SNX8: variants seen among roughly 807,000 people sequenced by gnomAD.
SNX8 encodes sorting nexin 8.
A neutral mutation model predicts 51.6 loss-of-function variants in SNX8; 25 were observed. The observed-to-expected ratio is 0.48, with a 90% CI of 0.35 to 0.68. The LOEUF (loss-of-function observed/expected upper bound fraction) is 0.68, where lower values mean the gene tolerates loss of function less well. Among genes scored for constraint, SNX8 ranks in the 30% least tolerant of loss-of-function variants. The pLI is 0.00. For missense variants in SNX8, 695 were observed against 624.0 expected (o/e 1.11, Z -1.21); for synonymous variants, 324 against 277.0 (o/e 1.17, Z -1.68).
intron 1 of SNX8, among the ~76,000 whole-genome samples, chr7:2,349,716 G>C (rs1239981118): frequency 6.6e-6 from 1 of 152,088 alleles, no homozygotes; most frequent in East Asian, 1.9e-4. Context: ...GATTACAGGC[G>C]TGAGCCACCG....
chr7:2,308,780 ATTT>A lies in SNX8; in HGVS notation c.94+5545_94+5547del, dbSNP rs755533735. ...AATTTAATCACCATAAAATGAACAAATTTTTTTTTTTTTTTTTTTTTGAGCTGG... is the reference window on the plus strand; with the variant it reads ...AATTTAATCACCATAAAATGAACAAATTTTTTTTTTTTTTTTTTGAGCTGG... On this transcript the variant is annotated intron_variant, in intron 1 of 10. Transcript: ENST00000222990. 6.2e-3 allele frequency among the ~76,000 whole-genome samples: 840 copies of A among 135,984 alleles called. 1 individual carries two copies. Among genetic ancestry groups the A allele is most frequent in the Non-Finnish European group, 0.01 (662 of 64,374 alleles). The allele number at this position is 135,984 out of a possible 152,430, so 89.2% of individuals were successfully genotyped here.
intron 1 of SNX8, among the ~76,000 whole-genome samples, chr7:2,300,166 G>T (rs1796360090): frequency 6.6e-6 from 1 of 152,178 alleles, no homozygotes; most frequent in African/African-American, 2.4e-5. Flanking sequence ...TCCATGCACA[G>T]AAGGCTGGAC....
At chr7:2,268,932 G>A (rs1795567981) in intron 5 of SNX8, among the ~76,000 whole-genome samples, 1 of 127,598 alleles carries the variant, frequency 7.8e-6, no homozygotes, top group Admixed American at 7.9e-5. Context: ...TGCCTGGCCA[G>A]CCGCCCCGTC....
At chr7:2,338,453 CTG>C (rs1778869235) in intron 1 of SNX8, among the ~76,000 whole-genome samples, 5 of 140,590 alleles carry the variant, frequency 3.6e-5, no homozygotes, top group African/African-American at 2.6e-5. Context: ...CAGAGAGAGA[CTG>C]TGTCTCAAAA....
chr7:2,310,557 G>T (rs1796639919), intron 1 of SNX8, among the ~76,000 whole-genome samples: 1 of 152,246 alleles, frequency 6.6e-6, no homozygotes, highest in South Asian at 2.1e-4. Flanking sequence ...CATGAGGTCA[G>T]GAGATCAAGA....
intron 7 of SNX8, among the ~76,000 whole-genome samples, chr7:2,262,889 G>A (rs150365536): frequency 0.025 from 3,743 of 152,244 alleles, 141 homozygotes; most frequent in African/African-American, 0.085. Flanking sequence ...AGGCCGAGGC[G>A]GGCAGGTCAC....
chr7:2,308,635 C>T (rs1295688582), intron 1 of SNX8, among the ~76,000 whole-genome samples: 3 of 135,556 alleles, frequency 2.2e-5, no homozygotes, highest in Non-Finnish European at 3.0e-5. Context: ...CACTGCACTC[C>T]AGCCTGGGCA....
intron 7 of SNX8, among the ~76,000 whole-genome samples, chr7:2,258,134 C>T (rs1198858970): frequency 1.3e-5 from 2 of 152,220 alleles, no homozygotes; most frequent in Admixed American, 1.3e-4. Context: ...CCTCAGCCTC[C>T]CGAGTAGCTG....
intron 1 of SNX8, among the ~76,000 whole-genome samples, chr7:2,303,926 C>T (rs1047590860): frequency 2.7e-5 from 4 of 148,312 alleles, no homozygotes; most frequent in African/African-American, 5.0e-5. Context: ...TCCCCCTCTG[C>T]GAGAAACACA....
At chr7:2,268,891 C>T (rs1375383542) in intron 5 of SNX8, among the ~76,000 whole-genome samples, 2,322 of 12,622 alleles carry the variant, frequency 0.18, no homozygotes, top group Non-Finnish European at 0.22. Context: ...CCGCCCCGTC[C>T]GGGAGGGAGG....
At chr7:2,326,270 C>G (rs1000383578) in intron 1 of SNX8, among the ~76,000 whole-genome samples, 1 of 152,058 alleles carries the variant, frequency 6.6e-6, no homozygotes, top group South Asian at 2.1e-4. Flanking sequence ...GAGGCTGAGG[C>G]AAGAGGATCG....
intron 1 of SNX8, among the ~76,000 whole-genome samples, chr7:2,338,063 C>A (rs557472609): frequency 6.6e-6 from 1 of 152,150 alleles, no homozygotes; most frequent in Admixed American, 6.6e-5. Context: ...CAGTGGCTCA[C>A]GCCTGTAATC....
At chr7:2,292,474 C>T (rs1467607812) in intron 1 of SNX8, among the ~76,000 whole-genome samples, 15 of 151,204 alleles carry the variant, frequency 9.9e-5, no homozygotes, top group South Asian at 2.1e-4. Flanking sequence ...TGCAGTGGCG[C>T]GATCTCGGCT....
chr7:2,314,086 T>G (rs1332366281), intron 1 of SNX8, among the ~76,000 whole-genome samples: 1 of 152,052 alleles, frequency 6.6e-6, no homozygotes, highest in African/African-American at 2.4e-5. Flanking sequence ...GACAGGGCTC[T>G]CCCGGCGCAG....
At chr7:2,340,299 C>T (rs539254963) in intron 1 of SNX8, among the ~76,000 whole-genome samples, 17 of 151,228 alleles carry the variant, frequency 1.1e-4, no homozygotes, top group Non-Finnish European at 7.4e-5. Context: ...CTCGAACTCC[C>T]GACCTCACGT....
rs780038674 is a variant in SNX8 at position 2,256,933 on chromosome 7, G to A, written c.1225C>T (p.Pro409Ser). ...QETQLIHVYL[P>S]LTSHILRAFV... Reference sequence around the variant, plus strand: ...GCGCGGAGGATGTGGGAGGTGAGGGGCAGGTAGACGTGGATGAGCTGCGTC... The same window carrying A: ...GCGCGGAGGATGTGGGAGGTGAGGGACAGGTAGACGTGGATGAGCTGCGTC... The change falls in exon 10 of 11, where the codon CCC becomes TCC. Residue 409 changes from proline (P) to serine (S), a missense_variant. Coordinates refer to ENST00000222990, the MANE Select transcript of SNX8 (RefSeq NM_013321.4). The A allele has an allele frequency of 1.9e-6, 3 of 1,613,594 alleles. No individual in the cohort carries two copies. Among genetic ancestry groups the A allele is most frequent in the Admixed American group, 1.7e-5 (1 of 59,980 alleles).
chr7:2,282,512 G>A (rs1195135202), intron 1 of SNX8, among the ~76,000 whole-genome samples: 3 of 152,178 alleles, frequency 2.0e-5, no homozygotes, highest in African/African-American at 4.8e-5. Flanking sequence ...ATCTCCAAGC[G>A]AGTTATCCAC....
chr7:2,318,569 G>A (rs188353147), upstream of SNX8, among the ~76,000 whole-genome samples: 340 of 151,198 alleles, frequency 2.2e-3, 1 homozygote, highest in Non-Finnish European at 3.1e-3. Context: ...GGTGGCAGGC[G>A]CCTGTAATCC....
At chr7:2,274,938 AC>A (rs1795740758) in intron 3 of SNX8, 173 bp downstream of exon 3, 2 of 579,524 alleles carry the variant, frequency 3.5e-6, no homozygotes, top group Non-Finnish European at 6.2e-6. Context: ...CCCTGCCTGC[AC>A]CAAGGCTGGG....
Sources: gnomAD v4.1 joint callset for allele counts (sites outside exome capture counted in the v4.1 genomes callset) on GRCh38, gnomAD v4.1.1 for gene constraint, MANE v1.5 for transcripts, NCBI Gene and HGNC (gene_info 2026-07-23, HGNC 2026-07-21) for gene names.